INPP5D: variants seen among roughly 807,000 people sequenced by gnomAD.
The protein encoded by INPP5D is inositol polyphosphate-5-phosphatase D, also known as phosphatidylinositol 3,4,5-trisphosphate 5-phosphatase 1.
INPP5D carries 33 observed loss-of-function variants against 122.9 expected under a neutral mutation model. The observed-to-expected ratio is 0.27, with a 90% CI of 0.20 to 0.36. The LOEUF (loss-of-function observed/expected upper bound fraction) is 0.36, where lower values mean the gene tolerates loss of function less well. Among genes scored for constraint, INPP5D ranks in the 10% least tolerant of loss-of-function variants. The probability of loss-of-function intolerance (pLI) is 1.00; values close to 1 mark genes in which losing one functional copy is unlikely to be tolerated. For missense variants in INPP5D, 1,053 were observed against 1,412.7 expected, an observed-to-expected ratio of 0.75 and a Z score of 4.08; for synonymous variants, 584 against 576.2, an observed-to-expected ratio of 1.01 and a Z score of -0.19.
rs551430183 is a variant in INPP5D, at chr2:233,123,602, C to T, written c.349+1345C>T. On this transcript the variant is annotated intron_variant, in intron 3 of 26. Coordinates refer to ENST00000445964, the MANE Select transcript of INPP5D (RefSeq NM_001017915.3). ...TTACCTGGGGATGCCCCACTTTTCC[C>T]CTCAAGGATTTACTGAGAATATACC... 7.1e-4 allele frequency among the ~76,000 whole-genome samples: 108 copies of T among 152,312 alleles called. 1 individual carries two copies. The highest frequency in any genetic ancestry group is 1.0e-3 in the Non-Finnish European group (68 of 68,040).
In INPP5D at chr2:233,193,976, C is replaced by T. The variant is rs1249592715; in HGVS notation, c.2596+15C>T. 6 of 1,579,716 alleles carry T rather than the reference C, an allele frequency of 3.8e-6. No homozygotes were observed. The highest frequency in any genetic ancestry group is 4.3e-6 in the Non-Finnish European group (5 of 1,159,166). ...GAAGCTCTATGGTAAGCAGCAAGCC[C>T]CTCCCCAGCGCCCTCTTCAGCCCCC... On this transcript the variant is annotated intron_variant, in intron 23 of 26. Coordinates refer to ENST00000445964, the MANE Select transcript of INPP5D (RefSeq NM_001017915.3).
intron 24 of INPP5D, among the ~76,000 whole-genome samples, chr2:233,195,874 G>C (rs1695170370): frequency 6.6e-6 from 1 of 152,198 alleles, no homozygotes; most frequent in Non-Finnish European, 1.5e-5. Flanking sequence ...GGAGGGCTGA[G>C]GCACAAGAAT....
chr2:233,119,245 A>T (rs1692895070), intron 2 of INPP5D, among the ~76,000 whole-genome samples: 2 of 152,206 alleles, frequency 1.3e-5, no homozygotes, highest in South Asian at 4.1e-4. Flanking sequence ...GGATTCACAC[A>T]TGAGGCGTTC....
chr2:233,062,268 G>A (rs1354362399), intron 1 of INPP5D, among the ~76,000 whole-genome samples: 1 of 152,188 alleles, frequency 6.6e-6, no homozygotes, highest in Non-Finnish European at 1.5e-5. Flanking sequence ...CCTTTGACCA[G>A]GGCTTGCTTT....
chr2:233,177,662 C>A lies in INPP5D; in HGVS notation c.2071+316C>A, dbSNP rs973586322. On this transcript the variant is annotated intron_variant, in intron 18 of 26. Transcript: ENST00000445964. The surrounding 1 kb of genome is among the most constrained non-coding windows in gnomAD (Gnocchi z 4.2). ...GATCTCATCTCACCACAACTTCTAC[C>A]TCCTGGGTTCAAGCGATTCTCGTGC... Among the ~76,000 whole-genome samples, 72 of 152,322 alleles carry A rather than the reference C, an allele frequency of 4.7e-4. No individual in the cohort carries two copies. The highest frequency in any genetic ancestry group is 1.7e-3 in the African/African-American group (70 of 41,560).
intron 1 of INPP5D, among the ~76,000 whole-genome samples, chr2:233,074,469 A>G (rs1194121905): frequency 6.6e-6 from 1 of 152,198 alleles, no homozygotes; most frequent in Non-Finnish European, 1.5e-5. Flanking sequence ...GGTCCATGTT[A>G]GCAAGAAATG....
In INPP5D at chr2:233,088,648, T is replaced by C. The variant is rs1691913175; in HGVS notation, c.198+9250T>C. On this transcript the variant is annotated intron_variant, in intron 2 of 26. Transcript: ENST00000445964. ...TTTATGTAAACATGCAGCTCATGTC[T>C]GACACGTGACTCCATGGATGACTGT... Among the ~76,000 whole-genome samples, 3 of 152,246 alleles carry C rather than the reference T, an allele frequency of 2.0e-5. No individual in the cohort carries two copies. The South Asian group carries it at 6.2e-4, about 31-fold the overall frequency.
chr2:233,174,026 T>A (rs901173437), intron 17 of INPP5D, among the ~76,000 whole-genome samples: 2 of 152,164 alleles, frequency 1.3e-5, no homozygotes, highest in Non-Finnish European at 2.9e-5. Flanking sequence ...CCACATCTCA[T>A]CCCATGGAAG....
At chr2:233,079,691 G>A (rs2106209977) in intron 2 of INPP5D, among the ~76,000 whole-genome samples, 1 of 152,280 alleles carries the variant, frequency 6.6e-6, no homozygotes, top group South Asian at 2.1e-4. Flanking sequence ...GGAAAGGAGG[G>A]GCTGTGGCTT....
intron 2 of INPP5D, among the ~76,000 whole-genome samples, chr2:233,113,915 T>TC (rs1559298696): frequency 1.3e-5 from 2 of 148,464 alleles, no homozygotes; most frequent in African/African-American, 5.1e-5. Context: ...TCTTTTTTTT[T>TC]TTTTTTTTTG....
At chr2:233,195,598 G>A in intron 24 of INPP5D, 103 bp downstream of exon 24, 1 of 1,552,088 alleles carries the variant, frequency 6.4e-7, no homozygotes, top group Non-Finnish European at 8.7e-7. Flanking sequence ...CATAATCCCG[G>A]CACTTTGGGA....
chr2:233,159,371 A>G (rs1339965115), intron 10 of INPP5D, among the ~76,000 whole-genome samples: 1 of 152,164 alleles, frequency 6.6e-6, no homozygotes. Context: ...ACCAGCCTGA[A>G]CAGCCTAGTC....
intron 2 of INPP5D, among the ~76,000 whole-genome samples, chr2:233,103,755 G>A (rs1692384748): frequency 6.8e-6 from 1 of 146,104 alleles, no homozygotes; most frequent in Non-Finnish European, 1.5e-5. Flanking sequence ...TGCCCAGGCT[G>A]GAGTGTGGTG....
chr2:233,118,888 G>A (rs1325481467), intron 2 of INPP5D, among the ~76,000 whole-genome samples: 3 of 152,346 alleles, frequency 2.0e-5, no homozygotes, highest in East Asian at 3.9e-4. Flanking sequence ...GGGAACCCGG[G>A]CAGCCGGCAG....
intron 5 of INPP5D, among the ~76,000 whole-genome samples, chr2:233,132,423 C>T (rs890537251): frequency 3.9e-5 from 6 of 152,216 alleles, no homozygotes; most frequent in Admixed American, 2.0e-4. Context: ...GTCTTCTTCT[C>T]GGGTATGTAG....
rs533045576 is a variant in INPP5D at position 233,185,297 on chromosome 2, T to C, written c.2276-546T>C. On this transcript the variant is annotated intron_variant, in intron 20 of 26. Transcript: ENST00000445964. ...TCCCTGCCTCCTTCTCCAACTGAGG[T>C]GGGCCCAGGCCTGGTGCTAGAGCGG... Among the ~76,000 whole-genome samples, 18 of 152,118 alleles carry C rather than the reference T, an allele frequency of 1.2e-4. 1 individual carries two copies. Among genetic ancestry groups the C allele is most frequent in the Admixed American group, 1.0e-3 (16 of 15,284 alleles).
chr2:233,170,200 G>A lies in INPP5D; in HGVS notation c.1791+36G>A, dbSNP rs770566453. ...CCCGCCTGGGGCTGGGGCTGGGGCT[G>A]TATGAGATGGAGGCTCCCTTGAGTC... On this transcript the variant is annotated intron_variant, in intron 15 of 26. Coordinates refer to ENST00000445964, the MANE Select transcript of INPP5D (RefSeq NM_001017915.3). The surrounding 1 kb of genome is among the most constrained non-coding windows in gnomAD (Gnocchi z 4.5). 3 of 1,603,000 alleles carry A rather than the reference G, an allele frequency of 1.9e-6. No homozygotes were observed. Among genetic ancestry groups the A allele is most frequent in the Admixed American group, 1.7e-5 (1 of 57,314 alleles).
At chr2:233,072,092 G>A (rs1168372174) in intron 1 of INPP5D, among the ~76,000 whole-genome samples, 3 of 152,208 alleles carry the variant, frequency 2.0e-5, no homozygotes, top group African/African-American at 7.2e-5. Flanking sequence ...GAGACATACT[G>A]TGAGAATCGC....
At chr2:233,136,474 G>A (rs532450502) in intron 5 of INPP5D, among the ~76,000 whole-genome samples, 100 of 67,300 alleles carry the variant, frequency 1.5e-3, no homozygotes, top group African/African-American at 6.2e-3. Context: ...GCGAGACCGC[G>A]TTTAAAAAAA....
Sources: gnomAD v4.1 joint callset for allele counts (sites outside exome capture counted in the v4.1 genomes callset) on GRCh38, gnomAD v4.1.1 for gene constraint, Gnocchi (gnomAD v3.1) non-coding constraint, MANE v1.5 for transcripts, NCBI Gene and HGNC (gene_info 2026-07-23, HGNC 2026-07-21) for gene names.